The following SCFD2 variants were observed in gnomAD, a reference collection of about 807,000 sequenced individuals.
SCFD2 encodes sec1 family domain containing 2, also known as sec1 family domain-containing protein 2.
A neutral mutation model predicts 58.9 loss-of-function variants in SCFD2; 54 were observed. That is an observed-to-expected ratio of 0.92 (90% CI 0.74 to 1.15). SCFD2 has a LOEUF of 1.15. Among genes scored for constraint, SCFD2 ranks in the 50% most tolerant of loss-of-function variants. The pLI, the probability that SCFD2 is intolerant of heterozygous loss-of-function variation, is 0.00. For missense variants in SCFD2, 805 were observed against 836.6 expected, an observed-to-expected ratio of 0.96 and a Z score of 0.47; for synonymous variants, 321 against 335.9, an observed-to-expected ratio of 0.96 and a Z score of 0.49.
intron 3 of SCFD2, among the ~76,000 whole-genome samples, chr4:53,302,707 A>C (rs1041273162): frequency 6.6e-6 from 1 of 152,228 alleles, no homozygotes; most frequent in Admixed American, 6.5e-5. Context: ...ACTATACTAC[A>C]AGGCTACAGT....
chr4:52,916,199 C>G (rs528474153), intron 6 of SCFD2, among the ~76,000 whole-genome samples: 1 of 152,340 alleles, frequency 6.6e-6, no homozygotes, highest in East Asian at 1.9e-4. Flanking sequence ...GGCATCACAT[C>G]AGACACTGTG....
intron 3 of SCFD2, among the ~76,000 whole-genome samples, chr4:53,294,835 CCAGTTT>C: frequency 6.6e-6 from 1 of 152,226 alleles, no homozygotes; most frequent in Admixed American, 6.5e-5. Flanking sequence ...AGGAAGGAAT[CCAGTTT>C]CAGCTTTCTG....
chr4:53,252,055 T>C (rs1047868462), intron 4 of SCFD2, among the ~76,000 whole-genome samples: 7 of 151,946 alleles, frequency 4.6e-5, no homozygotes, highest in African/African-American at 1.5e-4. Context: ...ACAAAATCAA[T>C]GTACAAAAAT....
chr4:53,203,843 C>A (rs754122221), intron 4 of SCFD2, among the ~76,000 whole-genome samples: 1 of 152,192 alleles, frequency 6.6e-6, no homozygotes, highest in African/African-American at 2.4e-5. Context: ...AATGTCCCCA[C>A]CAACACTCCA....
At chr4:52,877,456 C>T (rs889377567) in intron 8 of SCFD2, among the ~76,000 whole-genome samples, 3 of 152,102 alleles carry the variant, frequency 2.0e-5, no homozygotes, top group African/African-American at 7.2e-5. Context: ...GTCCAGTCTG[C>T]GCTGGACCCT....
chr4:53,349,854 T>C (rs1233867842), intron 2 of SCFD2, among the ~76,000 whole-genome samples: 5 of 152,222 alleles, frequency 3.3e-5, no homozygotes, highest in African/African-American at 1.2e-4. Context: ...TTTTTGGTAA[T>C]TACCTTAGGT....
intron 4 of SCFD2, among the ~76,000 whole-genome samples, chr4:53,247,366 C>T (rs1004871478): frequency 1.6e-4 from 25 of 152,214 alleles, no homozygotes; most frequent in African/African-American, 5.1e-4. Flanking sequence ...AACTACCATT[C>T]GACCTAGGAA....
In SCFD2 at chr4:52,895,584, G is replaced by C. The variant is rs180860833; in HGVS notation, c.1843-9718C>G. Among the ~76,000 whole-genome samples, 656 of 152,252 alleles carry C rather than the reference G, an allele frequency of 4.3e-3. 4 individuals are homozygous for C. The highest frequency in any genetic ancestry group is 5.1e-3 in the Admixed American group (78 of 15,294). On this transcript the variant is annotated intron_variant, in intron 7 of 8. Coordinates refer to ENST00000401642, the MANE Select transcript of SCFD2 (RefSeq NM_152540.4). ...TCCAGTCTATCATTGTTGGACATTT[G>C]GGTTGGTTCCAAGTCTTTGCTATTG...
At chr4:53,236,812 A>ATTT (rs201223744) in intron 4 of SCFD2, among the ~76,000 whole-genome samples, 4 of 29,030 alleles carry the variant, frequency 1.4e-4, no homozygotes, top group Non-Finnish European at 2.0e-4. Flanking sequence ...TCACTGTTTT[A>ATTT]TTTATTTATT....
intron 5 of SCFD2, among the ~76,000 whole-genome samples, chr4:53,052,914 A>G (rs1723223184): frequency 6.6e-6 from 1 of 152,152 alleles, no homozygotes; most frequent in Non-Finnish European, 1.5e-5. Flanking sequence ...GATTCCAGTT[A>G]CATGAAGCTC....
intron 5 of SCFD2, among the ~76,000 whole-genome samples, chr4:52,971,129 C>G (rs529281240): frequency 6.6e-6 from 1 of 152,308 alleles, no homozygotes; most frequent in East Asian, 1.9e-4. Context: ...TCCAAAGGAA[C>G]CCAGCTCCTC....
intron 5 of SCFD2, among the ~76,000 whole-genome samples, chr4:53,135,717 G>T (rs989715289): frequency 6.6e-6 from 1 of 151,964 alleles, no homozygotes; most frequent in Non-Finnish European, 1.5e-5. Flanking sequence ...ACTCCAGCCT[G>T]GCAACAGAGC....
At chr4:53,114,759 CAG>C (rs756878495) in intron 5 of SCFD2, among the ~76,000 whole-genome samples, 6 of 151,902 alleles carry the variant, frequency 3.9e-5, no homozygotes, top group African/African-American at 7.3e-5. Context: ...GGAAGAAAAA[CAG>C]AAATAGTTTT....
At chr4:53,217,146 T>C (rs1478701998) in intron 4 of SCFD2, among the ~76,000 whole-genome samples, 1 of 152,186 alleles carries the variant, frequency 6.6e-6, no homozygotes, top group Non-Finnish European at 1.5e-5. Flanking sequence ...GAGAGTTCTG[T>C]AGATTTCTAT....
At position 52,874,485 on chromosome 4, in the gene SCFD2, T is replaced by A. The variant is rs114353028; in HGVS notation, c.1963-424A>T. On this transcript the variant is annotated intron_variant, in intron 8 of 8. Transcript: ENST00000401642. ...GGAGCCTTTGCTCCTCCAGGGAGCA[T>A]GAGAAGGCACATCCAGGAGGTGGAT... 2.3e-3 allele frequency among the ~76,000 whole-genome samples: 344 copies of A among 152,312 alleles called. 1 individual carries two copies. Among genetic ancestry groups the A allele is most frequent in the African/African-American group, 8.2e-3 (339 of 41,588 alleles).
chr4:53,038,930 T>C (rs182551382), intron 5 of SCFD2, among the ~76,000 whole-genome samples: 1 of 152,268 alleles, frequency 6.6e-6, no homozygotes, highest in East Asian at 1.9e-4. Context: ...GCTCAAGTGA[T>C]CCTCCTGCCT....
intron 5 of SCFD2, among the ~76,000 whole-genome samples, chr4:53,118,328 G>A (rs1253716266): frequency 6.6e-6 from 1 of 152,098 alleles, no homozygotes; most frequent in African/African-American, 2.4e-5. Flanking sequence ...TGGTCTCCTG[G>A]TAGTTAAAAT....
chr4:53,337,197 C>G (rs745485840), intron 2 of SCFD2, among the ~76,000 whole-genome samples: 3 of 152,134 alleles, frequency 2.0e-5, no homozygotes, highest in Non-Finnish European at 4.4e-5. Flanking sequence ...TTGCAGATGG[C>G]CCACTTCTTG....
intron 2 of SCFD2, among the ~76,000 whole-genome samples, chr4:53,328,786 G>A (rs559008329): frequency 5.4e-4 from 83 of 152,310 alleles, no homozygotes; most frequent in African/African-American, 1.2e-3. Context: ...AGCTCCCAGC[G>A]TGAGTGACGC....
Sources: gnomAD v4.1 joint callset for allele counts (sites outside exome capture counted in the v4.1 genomes callset) on GRCh38, gnomAD v4.1.1 for gene constraint, MANE v1.5 for transcripts, NCBI Gene and HGNC (gene_info 2026-07-23, HGNC 2026-07-21) for gene names.